The following QKI variants were observed in gnomAD, a reference collection of about 807,000 sequenced individuals.
QKI encodes KH domain-containing RNA-binding protein QKI.
Under a neutral mutation model 39.0 loss-of-function variants are expected in QKI, and 10 were observed. The ratio of observed to expected loss-of-function variants is 0.26; its 90% confidence interval spans 0.16 to 0.43. The LOEUF (loss-of-function observed/expected upper bound fraction) is 0.43, where lower values mean the gene tolerates loss of function less well. Among genes scored for constraint, QKI ranks in the 20% least tolerant of loss-of-function variants. QKI has a pLI of 1.00. For synonymous variants in QKI, 204 were observed against 155.4 expected, an observed-to-expected ratio of 1.31 and a Z score of -2.33; for missense variants, 218 against 428.0, an observed-to-expected ratio of 0.51 and a Z score of 4.33.
chr6:163,477,980 A>C (rs1347984163), intron 2 of QKI, among the ~76,000 whole-genome samples: 2 of 152,256 alleles, frequency 1.3e-5, no homozygotes, highest in Non-Finnish European at 2.9e-5. Flanking sequence ...ATTTTGTGGA[A>C]CTGATAGCAA....
chr6:163,443,855 C>T (rs1243907204), intron 1 of QKI, among the ~76,000 whole-genome samples: 9 of 152,042 alleles, frequency 5.9e-5, no homozygotes, highest in Admixed American at 5.9e-4. Flanking sequence ...AGCAATTTAC[C>T]CCTACCTCCT....
intron 3 of QKI, among the ~76,000 whole-genome samples, chr6:163,531,455 A>C (rs1162390300): frequency 6.6e-6 from 1 of 152,132 alleles, no homozygotes; most frequent in Admixed American, 6.6e-5. Context: ...ACTGCTTTTT[A>C]ATGAGAGTTC....
chr6:163,555,931 A>C (rs1583215278), intron 4 of QKI, among the ~76,000 whole-genome samples: 2 of 152,170 alleles, frequency 1.3e-5, no homozygotes, highest in East Asian at 3.8e-4. Context: ...CTTCCACTTA[A>C]AGGCATCATA....
chr6:163,532,253 G>T (rs1456523499), intron 3 of QKI, among the ~76,000 whole-genome samples: 1 of 152,012 alleles, frequency 6.6e-6, no homozygotes, highest in African/African-American at 2.4e-5. Context: ...CATTGTATTA[G>T]TATCTATATG....
At chr6:163,532,904 AGTT>A (rs1780951735) in intron 3 of QKI, among the ~76,000 whole-genome samples, 1 of 152,136 alleles carries the variant, frequency 6.6e-6, no homozygotes, top group African/African-American at 2.4e-5. Context: ...GGCTCACCTC[AGTT>A]GTTCCCAACT....
chr6:163,424,120 G>A (rs1788215508), intron 1 of QKI, among the ~76,000 whole-genome samples: 1 of 152,136 alleles, frequency 6.6e-6, no homozygotes, highest in Non-Finnish European at 1.5e-5. Flanking sequence ...TTAAATGTAA[G>A]CCACAGTTCT....
intron 4 of QKI, among the ~76,000 whole-genome samples, chr6:163,535,538 T>A (rs147745477): frequency 1.4e-4 from 20 of 141,780 alleles, no homozygotes; most frequent in Non-Finnish European, 2.4e-4. Context: ...TTTTTTTTTT[T>A]AACGGGAAAT....
chr6:163,542,796 G>A (rs968954231), intron 4 of QKI, among the ~76,000 whole-genome samples: 6 of 151,906 alleles, frequency 3.9e-5, no homozygotes, highest in African/African-American at 1.4e-4. Flanking sequence ...TTATATACAT[G>A]GAGGTCAGTA....
intron 3 of QKI, among the ~76,000 whole-genome samples, chr6:163,493,133 CTT>C (rs34924542): frequency 2.8e-5 from 4 of 140,616 alleles, no homozygotes; most frequent in Admixed American, 7.1e-5. Context: ...ATCTACAATA[CTT>C]TTTTTTTTTT....
intron 6 of QKI, chr6:163,564,746 A>C (rs762369737): frequency 1.2e-6 from 2 of 1,613,992 alleles, no homozygotes; most frequent in South Asian, 2.2e-5. Flanking sequence ...AGCAGCTGTT[A>C]TAACACGACC....
intron 3 of QKI, among the ~76,000 whole-genome samples, chr6:163,518,408 T>C (rs1455825920): frequency 3.9e-5 from 6 of 152,096 alleles, no homozygotes; most frequent in African/African-American, 9.7e-5. Flanking sequence ...ATAAGCAAAA[T>C]TGGAAATCAT....
intron 4 of QKI, among the ~76,000 whole-genome samples, chr6:163,544,706 A>G (rs1211991780): frequency 1.3e-5 from 2 of 152,094 alleles, no homozygotes; most frequent in African/African-American, 4.8e-5. Context: ...AACATTGTCA[A>G]GCCATTAGGG....
At chr6:163,424,096 ATAAT>A (rs1788214040) in intron 1 of QKI, among the ~76,000 whole-genome samples, 1 of 152,366 alleles carries the variant, frequency 6.6e-6, no homozygotes, top group African/African-American at 2.4e-5. Flanking sequence ...CTCATTTCAA[ATAAT>A]TCAAACAAAT....
intron 7 of QKI, chr6:163,568,391 T>C: frequency 1.0e-6 from 1 of 985,344 alleles, no homozygotes; most frequent in Non-Finnish European, 1.2e-6. Context: ...TTTTATTGTA[T>C]TTGGAAAATT....
chr6:163,522,356 A>G (rs1183538872), intron 3 of QKI, among the ~76,000 whole-genome samples: 2 of 152,122 alleles, frequency 1.3e-5, no homozygotes, highest in African/African-American at 4.8e-5. Context: ...TTATTTATGT[A>G]TTTATTAAAT....
intron 2 of QKI, among the ~76,000 whole-genome samples, chr6:163,467,307 A>G (rs1583040255): frequency 1.3e-5 from 2 of 152,336 alleles, no homozygotes; most frequent in East Asian, 3.9e-4. Context: ...ATATCTCAGT[A>G]AAGCTGGAGG....
chr6:163,558,148 A>G (rs79982074), intron 4 of QKI, among the ~76,000 whole-genome samples: 3 of 152,162 alleles, frequency 2.0e-5, no homozygotes, highest in Admixed American at 1.3e-4. Context: ...AATTTTTGAG[A>G]AAAAAAGAGG....
At chr6:163,419,484 A>T (rs2128206755) in intron 1 of QKI, among the ~76,000 whole-genome samples, 1 of 152,276 alleles carries the variant, frequency 6.6e-6, no homozygotes, top group Middle Eastern at 3.4e-3. Context: ...AGGTGAAATA[A>T]TCTGTTCTTT....
At chr6:163,553,133 C>T (rs1337325238) in intron 4 of QKI, among the ~76,000 whole-genome samples, 10 of 144,174 alleles carry the variant, frequency 6.9e-5, no homozygotes, top group African/African-American at 2.6e-4. Flanking sequence ...GATGGAGTTT[C>T]ACTCTTGTTG....
Sources: gnomAD v4.1 joint callset for allele counts (sites outside exome capture counted in the v4.1 genomes callset) on GRCh38, gnomAD v4.1.1 for gene constraint, MANE v1.5 for transcripts, NCBI Gene and HGNC (gene_info 2026-07-23, HGNC 2026-07-21) for gene names.